The following KDM5A variants were observed in gnomAD, a reference collection of about 807,000 sequenced individuals.
KDM5A encodes lysine-specific demethylase 5A.
KDM5A carries 42 observed loss-of-function variants against 193.5 expected under a neutral mutation model. The observed-to-expected ratio is 0.22, with a 90% CI of 0.17 to 0.28. KDM5A has a LOEUF of 0.28. KDM5A is among the 10% of genes least tolerant of loss of function. The pLI, the probability that KDM5A is intolerant of heterozygous loss-of-function variation, is 1.00. For synonymous variants in KDM5A, 796 were observed against 718.1 expected, an observed-to-expected ratio of 1.11 and a Z score of -1.73; for missense variants, 1,692 against 2,055.1, an observed-to-expected ratio of 0.82 and a Z score of 3.42.
At position 281,842 on chromosome 12, in the gene KDM5A, AG is replaced by A; in HGVS notation, c.*3613del. 3.8e-6 allele frequency: 1 copy of A among 266,416 alleles called. No individual in the cohort carries two copies. The allele number at this position is 266,416 out of a possible 1,614,324, so 16.5% of individuals were successfully genotyped here. ...GTACTACAGAATTAAAATACTGACA[AG>A]CAAGTAGTTTCTTGGCGTGCACGAA... On this transcript the variant is annotated 3_prime_UTR_variant, in exon 28 of 28. Coordinates refer to ENST00000399788, the MANE Select transcript of KDM5A (RefSeq NM_001042603.3).
In KDM5A at chr12:318,381, G is replaced by T; in HGVS notation, c.2622C>A (p.Leu874=). Residue 874 remains leucine, a synonymous_variant, in exon 19 of 28, where the codon CTC becomes CTA. Transcript: ENST00000399788. ...MMDETPDSSK[L]QMLIDMGSSL... is the part of the protein sequence containing the mutation. The stretch of plus-strand genomic sequence containing the variant: ...TAGAGCCCATATCTATCAACATCTG[G>T]AGTTTGGAAGAATCTGGGGTTTCAT... The T allele has an allele frequency of 6.2e-6, 10 of 1,614,140 alleles. No individual in the cohort carries two copies. In the South Asian group the frequency reaches 7.7e-5, roughly 12 times the overall value.
chr12:388,363 C>G, intron 1 of KDM5A: 1 of 449,466 alleles, frequency 2.2e-6, no homozygotes, highest in South Asian at 1.6e-5. Context: ...CCACTATAAA[C>G]CAATTTTTCC....
chr12:309,071 A>G (rs961395851), intron 22 of KDM5A, among the ~76,000 whole-genome samples: 2 of 152,240 alleles, frequency 1.3e-5, no homozygotes, highest in African/African-American at 2.4e-5. Flanking sequence ...AGGAAATTTA[A>G]AAGAAGGAAA....
intron 24 of KDM5A, among the ~76,000 whole-genome samples, chr12:306,418 A>C (rs1296872181): frequency 6.6e-6 from 1 of 152,156 alleles, no homozygotes; most frequent in Admixed American, 6.5e-5. Context: ...GATGAGTAAA[A>C]CAAATACAGA....
At chr12:287,290 A>G (rs576994) in intron 27 of KDM5A, among the ~76,000 whole-genome samples, 44,927 of 151,978 alleles carry the variant, frequency 0.3, 6,861 homozygotes, top group East Asian at 0.51. Flanking sequence ...AGAAGCTTAC[A>G]TTTTTAATCA....
intron 17 of KDM5A, chr12:322,175 G>A: frequency 3.8e-6 from 2 of 525,800 alleles, no homozygotes; most frequent in Non-Finnish European, 6.9e-6. Context: ...AAGAGAGCAT[G>A]AAGTCCTAAG....
Position 307,598 on chromosome 12 carries a change from C to T in KDM5A, c.3786G>A (p.Gln1262=), listed in dbSNP as rs1943524870. 1.2e-6 allele frequency: 2 copies of T among 1,614,150 alleles called. No homozygotes were observed. Among genetic ancestry groups the T allele is most frequent in the Admixed American group, 3.3e-5 (2 of 60,024 alleles). ...AGGATAGTTCATCTGTGGCTAGAGC[C>T]TGCCGCGCTCTATCTTGCCAACTCA... ...RAMSWQDRAR[Q]ALATDELSSA... The change falls in exon 23 of 28, where the codon CAG becomes CAA. Residue 1262 remains glutamine, a synonymous_variant. Transcript: ENST00000399788. The surrounding 1 kb of genome is among the most constrained non-coding windows in gnomAD (Gnocchi z 4.3).
At chr12:293,721 G>A (rs1475499609) in intron 26 of KDM5A, among the ~76,000 whole-genome samples, 1 of 135,880 alleles carries the variant, frequency 7.4e-6, no homozygotes, top group Non-Finnish European at 1.5e-5. Flanking sequence ...GGAGGTTGCA[G>A]TGAGCCGCAA....
At chr12:388,868 C>T in intron 1 of KDM5A, 59 bp downstream of exon 1, 1 of 1,557,246 alleles carries the variant, frequency 6.4e-7, no homozygotes, top group Non-Finnish European at 8.9e-7. Flanking sequence ...AAAGCTAAAC[C>T]CAGTGTACGG....
chr12:285,946 T>G (rs879141284), intron 27 of KDM5A, among the ~76,000 whole-genome samples: 1 of 152,104 alleles, frequency 6.6e-6, no homozygotes, highest in African/African-American at 2.4e-5. Flanking sequence ...TGAGAAAAAT[T>G]TGACAAAAAG....
At chr12:387,792 T>A (rs1261301100) in intron 1 of KDM5A, among the ~76,000 whole-genome samples, 4 of 152,194 alleles carry the variant, frequency 2.6e-5, no homozygotes. Context: ...AGGTGTTAAA[T>A]TAGTTCCTCC....
At position 280,196 on chromosome 12, in the gene KDM5A, T is replaced by C. The variant is rs765299241; in HGVS notation, c.*5260A>G. ...AATATAGTATTTGATTCCATTCTTTTGTACTGTTCCCTACTTTTACAATGT... is the reference window on the plus strand; with the variant it reads ...AATATAGTATTTGATTCCATTCTTTCGTACTGTTCCCTACTTTTACAATGT... On this transcript the variant is annotated 3_prime_UTR_variant, in exon 28 of 28. Coordinates refer to ENST00000399788, the MANE Select transcript of KDM5A (RefSeq NM_001042603.3). 4 of 232,664 alleles carry C rather than the reference T, an allele frequency of 1.7e-5. No individual in the cohort carries two copies. Among genetic ancestry groups the C allele is most frequent in the Non-Finnish European group, 3.4e-5 (4 of 117,728 alleles). The allele number at this position is 232,664 out of a possible 1,614,324, so 14.4% of individuals were successfully genotyped here. A position where few individuals can be genotyped will look rare whatever the true frequency, so the allele number is the denominator to read the frequency against.
intron 3 of KDM5A, among the ~76,000 whole-genome samples, chr12:370,174 C>T (rs1042066373): frequency 1.3e-5 from 2 of 152,184 alleles, no homozygotes; most frequent in Admixed American, 1.3e-4. Context: ...AGGTGGATCA[C>T]CTGAGGTCGA....
intron 24 of KDM5A, among the ~76,000 whole-genome samples, chr12:306,700 G>A (rs1197428564): frequency 4.0e-5 from 6 of 149,044 alleles, no homozygotes; most frequent in African/African-American, 9.9e-5. Flanking sequence ...CAGAGATCGC[G>A]CCATTGCATT....
chr12:318,269 A>G lies in KDM5A; in HGVS notation c.2734T>C (p.Ser912Pro), dbSNP rs547306808. ...RWLDEVRLTLSDPQQVTLDVM... is the reference protein window; with the variant it reads ...RWLDEVRLTLPDPQQVTLDVM... ...TCCAAAGTGACTTGTTGCGGATCTG[A>G]TAAGGTCAGTCTTACTTCGTCCAAC... The change falls in exon 19 of 28, where the codon TCA (serine) becomes CCA (proline). Residue 912 changes from serine (S) to proline (P), a missense_variant. By Grantham distance (74) the Ser-to-Pro change is moderately conservative. Transcript: ENST00000399788. 6 of 1,614,096 alleles carry G rather than the reference A, an allele frequency of 3.7e-6. No individual in the cohort carries two copies. The South Asian group carries it at 5.5e-5, about 15-fold the overall frequency.
At chr12:309,992 C>T in intron 21 of KDM5A, 28 bp from the exon 22 acceptor site, 1 of 1,609,632 alleles carries the variant, frequency 6.2e-7, no homozygotes, top group Non-Finnish European at 8.5e-7. Context: ...CCATTATAAA[C>T]TCTGGTTTTG....
At chr12:292,458 C>T (rs1258934690) in intron 27 of KDM5A, among the ~76,000 whole-genome samples, 2 of 152,150 alleles carry the variant, frequency 1.3e-5, no homozygotes, top group South Asian at 4.1e-4. Flanking sequence ...CAAGATTATT[C>T]TGAAACTTGT....
Position 307,348 on chromosome 12 carries a change from C to T in KDM5A, c.3930+106G>A, listed in dbSNP as rs1454614930. ...GGAGAATGCAATGGATAATTGCTGA[C>T]AAGTTACTGTTATTTTCCTAATCAA... On this transcript the variant is annotated intron_variant, in intron 23 of 27. Transcript: ENST00000399788. The surrounding 1 kb of genome is among the most constrained non-coding windows in gnomAD (Gnocchi z 4.3). 14 of 1,264,440 alleles carry T rather than the reference C, an allele frequency of 1.1e-5. No individual in the cohort carries two copies. The highest frequency in any genetic ancestry group is 1.5e-5 in the Non-Finnish European group (13 of 875,438). The allele number at this position is 1,264,440 out of a possible 1,614,324, so 78.3% of individuals were successfully genotyped here.
chr12:373,128 C>T (rs2137481631), intron 3 of KDM5A, among the ~76,000 whole-genome samples: 1 of 152,224 alleles, frequency 6.6e-6, no homozygotes, highest in African/African-American at 2.4e-5. Flanking sequence ...GGGAGAATTC[C>T]CTCTTGTTCT....
Sources: gnomAD v4.1 joint callset for allele counts (sites outside exome capture counted in the v4.1 genomes callset) on GRCh38, gnomAD v4.1.1 for gene constraint, Gnocchi (gnomAD v3.1) non-coding constraint, MANE v1.5 for transcripts, NCBI Gene and HGNC (gene_info 2026-07-23, HGNC 2026-07-21) for gene names.